SLC35E4: variants seen among roughly 807,000 people sequenced by gnomAD.
SLC35E4 encodes the protein solute carrier family 35, member E4.
SLC35E4 carries 15 observed loss-of-function variants against 19.3 expected under a neutral mutation model. That is an observed-to-expected ratio of 0.78 (90% confidence interval 0.52 to 1.20). The LOEUF is 1.20. SLC35E4 is among the 50% of genes most tolerant of loss of function. The pLI is 0.00. For missense variants in SLC35E4, 406 were observed against 472.3 expected (o/e 0.86, Z 1.30); for synonymous variants, 219 against 219.9 (o/e 1.00, Z 0.04).
chr22:30,656,721 C>T lies in SLC35E4; in HGVS notation c.*9-5339C>T, dbSNP rs910510861. 9.2e-5 allele frequency among the ~76,000 whole-genome samples: 14 copies of T among 152,154 alleles called. No homozygotes were observed. In the South Asian group the frequency reaches 1.2e-3, roughly 13 times the overall value. On this transcript the variant is annotated intron_variant, in intron 2 of 2. Coordinates refer to the SLC35E4 transcript ENST00000406566. The stretch of plus-strand genomic sequence containing the variant: ...CAGTGTGAACTGTTTGGGAAAAGGA[C>T]GTGGACCCTCTCAAAAGCCCTCAAC...
intron 2 of SLC35E4, chr22:30,654,158 ATTTTTTT>A (rs2145591909): frequency 4.6e-6 from 1 of 219,320 alleles, no homozygotes; most frequent in Admixed American, 5.5e-5. Flanking sequence ...TTTATTTTTT[ATTTTTTT>A]AGTAGAGACT....
chr22:30,663,181 C>T (rs2088525955), exon 3 of SLC35E4: 1 of 446,234 alleles, frequency 2.2e-6, no homozygotes, highest in African/African-American at 2.0e-5. Flanking sequence ...TTCTGGGCAC[C>T]ATCTGCCTCA....
chr22:30,646,059 C>T (rs939484549), intron 1 of SLC35E4, among the ~76,000 whole-genome samples: 4 of 152,052 alleles, frequency 2.6e-5, no homozygotes, highest in Admixed American at 1.3e-4. Flanking sequence ...TCAAGCGATC[C>T]GCCCTCCCAA....
chr22:30,646,814 CCT>C lies in SLC35E4; in HGVS notation c.839_840del (p.Ser280CysfsTer86). 2 of 1,614,234 alleles carry C rather than the reference CCT, an allele frequency of 1.2e-6. No homozygotes were observed. Among genetic ancestry groups the C allele is most frequent in the Non-Finnish European group, 1.7e-6 (2 of 1,180,036 alleles). On this transcript the variant is annotated frameshift_variant, in exon 2 of 2. Coordinates refer to ENST00000343605, the MANE Select transcript of SLC35E4 (RefSeq NM_001001479.4). LOFTEE classifies it high-confidence loss of function. ...GCCAGCTTCTCCCTGCTGGCCCTCA[CCT>C]CTGCCCTCACCGTCCACGTCCTGGG... is the stretch of plus-strand genomic sequence containing the variant.
At chr22:30,655,410 T>A (rs2088315659) in intron 2 of SLC35E4, among the ~76,000 whole-genome samples, 1 of 113,560 alleles carries the variant, frequency 8.8e-6, no homozygotes. Context: ...CCACTCTGGG[T>A]AACAGAGTGA....
intron 1 of SLC35E4, among the ~76,000 whole-genome samples, chr22:30,639,358 T>A (rs1223429744): frequency 2.0e-5 from 3 of 152,140 alleles, no homozygotes; most frequent in Non-Finnish European, 4.4e-5. Flanking sequence ...CAGGGCCAGA[T>A]CACAGGACCA....
chr22:30,637,104 G>T (rs746040793), intron 1 of SLC35E4, 35 bp downstream of exon 1: 1 of 1,535,232 alleles, frequency 6.5e-7, no homozygotes, highest in Non-Finnish European at 8.8e-7. Context: ...GAAGGTGGGG[G>T]TCCGGGTGGG....
At chr22:30,663,244 C>T in exon 3 of SLC35E4, 1 of 623,818 alleles carries the variant, frequency 1.6e-6, no homozygotes, top group South Asian at 2.2e-5. Context: ...TCTTCACCAT[C>T]TCACAATTAG....
rs185785685 is a variant in SLC35E4, at chr22:30,644,256, G to T, written c.620-2342G>T. Among the ~76,000 whole-genome samples, 5 of 152,344 alleles carry T rather than the reference G, an allele frequency of 3.3e-5. No individual in the cohort carries two copies. The East Asian group carries it at 9.6e-4, about 29-fold the overall frequency. ...GAGAACAAAGCTAAAACATCGGAATGAAATTGAGAGAGAAATAAAATTTCC... is the reference window on the plus strand; with the variant it reads ...GAGAACAAAGCTAAAACATCGGAATTAAATTGAGAGAGAAATAAAATTTCC... On this transcript the variant is annotated intron_variant, in intron 1 of 1. Coordinates refer to ENST00000343605, the MANE Select transcript of SLC35E4 (RefSeq NM_001001479.4).
downstream of SLC35E4, among the ~76,000 whole-genome samples, chr22:30,651,427 ATTTTTTTTTTTTTTTTTT>A (rs1160256288): frequency 2.1e-3 from 47 of 22,096 alleles, no homozygotes; most frequent in Admixed American, 6.8e-3. Context: ...ATATATATAT[ATTTTTTTTTTTTTTTTTT>A]TTTTTTTTTT....
chr22:30,642,836 T>C (rs2088067368), intron 1 of SLC35E4, among the ~76,000 whole-genome samples: 1 of 151,358 alleles, frequency 6.6e-6, no homozygotes, highest in Admixed American at 6.6e-5. Context: ...GAGACCATCC[T>C]GGCTAACACA....
chr22:30,642,045 G>A (rs955463390), intron 1 of SLC35E4, among the ~76,000 whole-genome samples: 3 of 152,012 alleles, frequency 2.0e-5, no homozygotes, highest in Non-Finnish European at 4.4e-5. Flanking sequence ...TTGTTTATGA[G>A]AGGGTCTTGC....
Position 30,636,557 on chromosome 22 carries a change from G to A in SLC35E4, c.107G>A (p.Gly36Asp). Residue 36 changes from glycine (G) to aspartate (D), a missense_variant, in exon 1 of 2, where the codon GGC (glycine) becomes GAC (aspartate). Physicochemically the swap from Gly to Asp is moderately conservative, Grantham distance 94 (BLOSUM62 -1). Coordinates refer to ENST00000343605, the MANE Select transcript of SLC35E4 (RefSeq NM_001001479.4). ...QAAGPPEWPP[G>D]SPQALRQPGR... ...GCTGGGCCCCCCGAGTGGCCCCCTGGCAGCCCTCAGGCCCTCCGGCAGCCT... is the reference window on the plus strand; with the variant it reads ...GCTGGGCCCCCCGAGTGGCCCCCTGACAGCCCTCAGGCCCTCCGGCAGCCT... 6.4e-7 allele frequency: 1 copy of A among 1,570,276 alleles called. No individual in the cohort carries two copies. Among genetic ancestry groups the A allele is most frequent in the Non-Finnish European group, 8.6e-7 (1 of 1,157,586 alleles).
At chr22:30,645,762 C>G (rs982810657) in intron 1 of SLC35E4, among the ~76,000 whole-genome samples, 4 of 151,914 alleles carry the variant, frequency 2.6e-5, no homozygotes, top group African/African-American at 7.3e-5. Flanking sequence ...AAGTGATCCT[C>G]CTGCCTCAGC....
At chr22:30,657,485 G>A (rs972636846) in intron 2 of SLC35E4, among the ~76,000 whole-genome samples, 18 of 150,546 alleles carry the variant, frequency 1.2e-4, no homozygotes, top group African/African-American at 4.4e-4. Context: ...CTGGCCGGGT[G>A]TAGTGGGTCG....
At chr22:30,650,324 C>G (rs971764800), downstream of SLC35E4, among the ~76,000 whole-genome samples, 4 of 150,130 alleles carry the variant, frequency 2.7e-5, no homozygotes, top group African/African-American at 9.8e-5. Flanking sequence ...AAGAGCAAGA[C>G]TTCGTCTCAA....
At chr22:30,650,005 G>A (rs1462008076), downstream of SLC35E4, among the ~76,000 whole-genome samples, 3 of 149,500 alleles carry the variant, frequency 2.0e-5, 1 homozygote, top group Non-Finnish European at 3.0e-5. Context: ...CCTCCCAGCA[G>A]TGGGCACAGA....
chr22:30,663,276 T>A lies in SLC35E4; in HGVS notation c.*1225T>A. On this transcript the variant is annotated 3_prime_UTR_variant, in exon 3 of 3. Transcript: ENST00000406566. The stretch of plus-strand genomic sequence containing the variant: ...TTAGTTTAATCTTAAAAAAAATGGA[T>A]TATAAAGTTAAAAGCTACAGCAACT... 3 of 724,990 alleles carry A rather than the reference T, an allele frequency of 4.1e-6. No homozygotes were observed. In the East Asian group the frequency reaches 8.2e-5, roughly 20 times the overall value. 44.9% of individuals were successfully genotyped at this position (724,990 alleles called of 1,614,324 possible).
intron 1 of SLC35E4, among the ~76,000 whole-genome samples, chr22:30,638,088 G>A (rs1308329470): frequency 6.6e-6 from 1 of 152,136 alleles, no homozygotes; most frequent in Non-Finnish European, 1.5e-5. Flanking sequence ...TTGACAGGCT[G>A]GGCATGGTAT....
Sources: gnomAD v4.1 joint callset for allele counts (sites outside exome capture counted in the v4.1 genomes callset) on GRCh38, gnomAD v4.1.1 for gene constraint, MANE v1.5 for transcripts, NCBI Gene and HGNC (gene_info 2026-07-23, HGNC 2026-07-21) for gene names.